The following NPTN variants were observed in gnomAD, a reference collection of about 807,000 sequenced individuals.
NPTN encodes the protein SDR-1.
Under a neutral mutation model 42.7 loss-of-function variants are expected in NPTN, and 5 were observed. The observed-to-expected ratio is 0.12, with a 90% confidence interval of 0.06 to 0.25. The LOEUF (loss-of-function observed/expected upper bound fraction) is 0.25. Among genes scored for constraint, NPTN ranks in the 10% least tolerant of loss-of-function variants. NPTN has a pLI of 1.00. For missense variants in NPTN, 307 were observed against 525.4 expected, an observed-to-expected ratio of 0.58 and a Z score of 4.06; for synonymous variants, 180 against 201.9, an observed-to-expected ratio of 0.89 and a Z score of 0.92.
intron 1 of NPTN, among the ~76,000 whole-genome samples, chr15:73,604,198 T>C (rs980582565): frequency 1.2e-4 from 19 of 152,156 alleles, no homozygotes; most frequent in South Asian, 2.1e-4. Context: ...CATGGGCCGC[T>C]CACACTCATA....
chr15:73,623,666 AAC>A (rs1484854440), intron 1 of NPTN, among the ~76,000 whole-genome samples: 1 of 152,228 alleles, frequency 6.6e-6, no homozygotes, highest in Non-Finnish European at 1.5e-5. Context: ...CAGCCTAGGC[AAC>A]AGAGTGAGAC....
At chr15:73,587,443 T>C (rs927668453) in intron 4 of NPTN, 81 bp downstream of exon 4, 3 of 960,704 alleles carry the variant, frequency 3.1e-6, no homozygotes, top group Non-Finnish European at 5.0e-6. Flanking sequence ...GAAGAGGAGC[T>C]TGAAGACTGG....
At chr15:73,596,177 T>C (rs1237580614) in intron 2 of NPTN, among the ~76,000 whole-genome samples, 1 of 152,178 alleles carries the variant, frequency 6.6e-6, no homozygotes, top group East Asian at 1.9e-4. Context: ...TGCAGCTTAG[T>C]GTCACCTGGC....
At chr15:73,617,975 T>C (rs1254373758) in intron 1 of NPTN, among the ~76,000 whole-genome samples, 2 of 152,242 alleles carry the variant, frequency 1.3e-5, no homozygotes, top group African/African-American at 2.4e-5. Flanking sequence ...CACCTCATAA[T>C]TGAATTTTTA....
intron 6 of NPTN, chr15:73,567,744 T>C (rs1191278240): frequency 1.0e-6 from 1 of 985,220 alleles, no homozygotes; most frequent in Non-Finnish European, 1.2e-6. Flanking sequence ...ATGGAAATAC[T>C]GGAGCAAGGG....
chr15:73,568,490 A>C, intron 6 of NPTN: 2 of 985,424 alleles, frequency 2.0e-6, no homozygotes, highest in Non-Finnish European at 2.4e-6. Flanking sequence ...GCCAAAGCTG[A>C]AAACACACGA....
At chr15:73,588,516 A>G (rs1476716201) in intron 3 of NPTN, among the ~76,000 whole-genome samples, 1 of 152,150 alleles carries the variant, frequency 6.6e-6, no homozygotes, top group Non-Finnish European at 1.5e-5. Flanking sequence ...GCCCTACATG[A>G]TCTGGCCCCT....
chr15:73,604,527 A>G (rs1897209188), intron 1 of NPTN, among the ~76,000 whole-genome samples: 1 of 152,224 alleles, frequency 6.6e-6, no homozygotes, highest in Non-Finnish European at 1.5e-5. Flanking sequence ...TGCATATTTC[A>G]GGGGTCTTCC....
chr15:73,628,884 A>G (rs1347704542), intron 1 of NPTN, among the ~76,000 whole-genome samples: 1 of 152,198 alleles, frequency 6.6e-6, no homozygotes, highest in Non-Finnish European at 1.5e-5. Flanking sequence ...TATTAATGAG[A>G]AAAAACAATG....
chr15:73,612,167 T>G (rs1897614123), intron 1 of NPTN, among the ~76,000 whole-genome samples: 1 of 152,016 alleles, frequency 6.6e-6, no homozygotes, highest in South Asian at 2.1e-4. Flanking sequence ...ATGCTTGTAA[T>G]CCCAACACGG....
At chr15:73,614,887 T>C (rs1897788746) in intron 1 of NPTN, among the ~76,000 whole-genome samples, 1 of 152,184 alleles carries the variant, frequency 6.6e-6, no homozygotes, top group Admixed American at 6.5e-5. Flanking sequence ...CTAGACTTTG[T>C]TATATTTGAA....
intron 2 of NPTN, 44 bp from the exon 3 acceptor site, chr15:73,592,181 C>A: frequency 6.5e-7 from 1 of 1,548,188 alleles, no homozygotes. Context: ...AGCCTTCCAT[C>A]CTCTGTAGCC....
intron 1 of NPTN, among the ~76,000 whole-genome samples, chr15:73,621,036 T>C (rs1566990339): frequency 6.6e-6 from 1 of 152,342 alleles, no homozygotes; most frequent in Middle Eastern, 3.4e-3. Flanking sequence ...AAAACATCTA[T>C]GAATTTTATT....
rs1470422529 is a variant in NPTN at position 73,569,346 on chromosome 15, A to G, written c.1114+804T>C. 6.6e-5 allele frequency: 65 copies of G among 985,386 alleles called. No homozygotes were observed. The highest frequency in any genetic ancestry group is 7.6e-5 in the Non-Finnish European group (63 of 829,990). The allele number at this position is 985,386 out of a possible 1,614,324, so 61.0% of individuals were successfully genotyped here. On this transcript the variant is annotated intron_variant, in intron 6 of 8. Transcript: ENST00000345330. This position sits in a 1 kb window ranked among gnomAD's most constrained non-coding sequence, Gnocchi z 4.1. ...GCTTTTCTGACTCTAGGCATATCCAATAACCTAAGATTTCAGCTCTTGCTC... is the reference window on the plus strand; with the variant it reads ...GCTTTTCTGACTCTAGGCATATCCAGTAACCTAAGATTTCAGCTCTTGCTC...
intron 3 of NPTN, among the ~76,000 whole-genome samples, chr15:73,589,724 G>A (rs1199707618): frequency 6.6e-6 from 1 of 152,078 alleles, no homozygotes; most frequent in Non-Finnish European, 1.5e-5. Flanking sequence ...AGGAAACACA[G>A]GTTAAGAGAC....
chr15:73,609,170 T>C (rs1897436360), intron 1 of NPTN, among the ~76,000 whole-genome samples: 1 of 152,214 alleles, frequency 6.6e-6, no homozygotes, highest in Non-Finnish European at 1.5e-5. Flanking sequence ...CCTTCCCATA[T>C]CTAGACAACA....
chr15:73,619,659 C>T (rs1342576677), intron 1 of NPTN, among the ~76,000 whole-genome samples: 1 of 152,178 alleles, frequency 6.6e-6, no homozygotes, highest in East Asian at 1.9e-4. Flanking sequence ...AAGCATCAGG[C>T]TTCACACATC....
At chr15:73,614,724 AC>A (rs1461120100) in intron 1 of NPTN, among the ~76,000 whole-genome samples, 1 of 152,186 alleles carries the variant, frequency 6.6e-6, no homozygotes, top group Non-Finnish European at 1.5e-5. Context: ...TTAAATTGCA[AC>A]CTATTAAAAA....
At chr15:73,612,624 G>C (rs1344484036) in intron 1 of NPTN, among the ~76,000 whole-genome samples, 2 of 152,072 alleles carry the variant, frequency 1.3e-5, no homozygotes, top group Non-Finnish European at 2.9e-5. Flanking sequence ...CAAAAAATTA[G>C]CCGGGCGTGG....
Sources: gnomAD v4.1 joint callset for allele counts (sites outside exome capture counted in the v4.1 genomes callset) on GRCh38, gnomAD v4.1.1 for gene constraint, Gnocchi (gnomAD v3.1) non-coding constraint, MANE v1.5 for transcripts, NCBI Gene and HGNC (gene_info 2026-07-23, HGNC 2026-07-21) for gene names.